The following LRP1B variants were observed in gnomAD, a reference collection of about 807,000 sequenced individuals.
LRP1B encodes the protein low-density lipoprotein receptor-related protein 1B.
Under a neutral mutation model 556.6 loss-of-function variants are expected in LRP1B, and 217 were observed. That is an observed-to-expected ratio of 0.39 (90% CI 0.35 to 0.44). The LOEUF (loss-of-function observed/expected upper bound fraction) is 0.44. Ranked by LOEUF, LRP1B falls within the 20% of genes least tolerant of loss-of-function variation. The pLI is 1.00. For missense variants in LRP1B, 5,053 were observed against 5,620.8 expected, an observed-to-expected ratio of 0.90 and a Z score of 3.23; for synonymous variants, 2,047 against 1,865.8, an observed-to-expected ratio of 1.10 and a Z score of -2.50.
intron 11 of LRP1B, among the ~76,000 whole-genome samples, chr2:141,044,798 AG>A (rs1698817447): frequency 6.7e-6 from 1 of 149,136 alleles, no homozygotes; most frequent in South Asian, 2.1e-4. Flanking sequence ...GTGGAGAAAT[AG>A]GAACACTTTT....
chr2:141,254,788 A>C, intron 3 of LRP1B, 147 bp from the exon 4 acceptor site: 1 of 553,900 alleles, frequency 1.8e-6, no homozygotes. Context: ...TTTACCTAAA[A>C]TATGTTAGTT....
At chr2:141,834,053 T>A (rs1245684356) in intron 1 of LRP1B, among the ~76,000 whole-genome samples, 1 of 151,710 alleles carries the variant, frequency 6.6e-6, no homozygotes, top group Non-Finnish European at 1.5e-5. Context: ...CTCCAGTGAG[T>A]ATTTCAAAAC....
At chr2:140,430,180 T>C (rs952096557) in intron 66 of LRP1B, among the ~76,000 whole-genome samples, 1 of 152,184 alleles carries the variant, frequency 6.6e-6, no homozygotes, top group African/African-American at 2.4e-5. Context: ...TATGCTGTAG[T>C]ATCTTCCACA....
At chr2:141,103,714 T>TG (rs1409089691) in intron 7 of LRP1B, among the ~76,000 whole-genome samples, 8 of 151,396 alleles carry the variant, frequency 5.3e-5, no homozygotes, top group Admixed American at 3.3e-4. Flanking sequence ...TGAAGTTTTT[T>TG]TTTTTTAGAA....
chr2:141,950,404 G>C (rs1441701755), intron 1 of LRP1B, among the ~76,000 whole-genome samples: 7 of 152,118 alleles, frequency 4.6e-5, no homozygotes, highest in African/African-American at 1.7e-4. Context: ...TCTAGTCTAT[G>C]AATTTCAGCA....
chr2:140,331,281 T>G (rs1366638017), intron 79 of LRP1B, among the ~76,000 whole-genome samples: 2 of 152,124 alleles, frequency 1.3e-5, no homozygotes, highest in Non-Finnish European at 2.9e-5. Context: ...GGGACGTGGA[T>G]GCAGCTTGAA....
intron 68 of LRP1B, 113 bp from the exon 69 acceptor site, chr2:140,373,250 T>C: frequency 1.2e-6 from 1 of 857,566 alleles, no homozygotes; most frequent in Non-Finnish European, 1.8e-6. Context: ...CTGGAACAAC[T>C]TGTTTCACAA....
At chr2:142,088,424 T>C (rs1394728436) in intron 1 of LRP1B, among the ~76,000 whole-genome samples, 24 of 152,196 alleles carry the variant, frequency 1.6e-4, no homozygotes, top group Admixed American at 1.5e-3. Context: ...AGAATAATTA[T>C]ATGATTAATA....
chr2:141,303,082 T>C (rs1364004523), intron 3 of LRP1B, among the ~76,000 whole-genome samples: 1 of 152,112 alleles, frequency 6.6e-6, no homozygotes, highest in Non-Finnish European at 1.5e-5. Context: ...AATACCCATA[T>C]GCTAATTGGA....
At chr2:140,637,968 G>T (rs1430451189) in intron 41 of LRP1B, among the ~76,000 whole-genome samples, 1 of 152,134 alleles carries the variant, frequency 6.6e-6, no homozygotes, top group Non-Finnish European at 1.5e-5. Context: ...TTCTACAGAA[G>T]AAGTCATAAA....
intron 62 of LRP1B, 80 bp downstream of exon 62, chr2:140,456,375 G>A (rs1687107311): frequency 7.4e-7 from 1 of 1,349,502 alleles, no homozygotes; most frequent in South Asian, 1.6e-5. Context: ...TGTATGGAAT[G>A]ATCATTCAAT....
chr2:140,422,096 C>A (rs1365871697), intron 66 of LRP1B, among the ~76,000 whole-genome samples: 1 of 152,194 alleles, frequency 6.6e-6, no homozygotes, highest in African/African-American at 2.4e-5. Context: ...TTCTTTTCTT[C>A]ACTCCTCAAA....
chr2:140,247,442 CTTGA>C (rs1483782433), intron 86 of LRP1B, among the ~76,000 whole-genome samples: 2 of 151,482 alleles, frequency 1.3e-5, no homozygotes, highest in East Asian at 1.9e-4. Flanking sequence ...ATATTGAAAT[CTTGA>C]TTAAGAATTG....
At chr2:141,118,214 T>A (rs1258539784) in intron 7 of LRP1B, among the ~76,000 whole-genome samples, 1 of 151,864 alleles carries the variant, frequency 6.6e-6, no homozygotes, top group East Asian at 1.9e-4. Context: ...AACCTAGAAA[T>A]GGCTGCCAAT....
rs148274216 is a variant in LRP1B, at chr2:140,874,190, G to T, written c.4170-5927C>A. 8.9e-3 allele frequency among the ~76,000 whole-genome samples: 1,355 copies of T among 152,192 alleles called. 10 individuals carry two copies. The highest frequency in any genetic ancestry group is 0.021 in the Middle Eastern group (6 of 292). On this transcript the variant is annotated intron_variant, in intron 25 of 90. Transcript: ENST00000389484. ...AACTATAATGGTCTTTCTATAGATTGGGGCTTGATATTAAAAAACACACAA... is the reference window on the plus strand; with the variant it reads ...AACTATAATGGTCTTTCTATAGATTTGGGCTTGATATTAAAAAACACACAA...
In LRP1B at chr2:141,060,110, A is replaced by C. The variant is rs1574032114; in HGVS notation, c.1237-1056T>G. On this transcript the variant is annotated intron_variant, in intron 8 of 90. Coordinates refer to ENST00000389484, the MANE Select transcript of LRP1B (RefSeq NM_018557.3). ...CAAAATTTTCTATTTTAACCAGAAA[A>C]TCTTGCCAGTTCTATAGTTTAAACA... 5.3e-5 allele frequency among the ~76,000 whole-genome samples: 8 copies of C among 151,956 alleles called. 2 individuals are homozygous for C. In the Middle Eastern group the frequency reaches 0.027, roughly 517 times the overall value.
intron 84 of LRP1B, among the ~76,000 whole-genome samples, chr2:140,287,050 C>T (rs931995755): frequency 2.6e-5 from 4 of 151,642 alleles, no homozygotes; most frequent in Non-Finnish European, 4.4e-5. Flanking sequence ...TAGTTTTACA[C>T]GATTAAAAAA....
At chr2:141,579,128 G>A (rs762830902) in intron 2 of LRP1B, among the ~76,000 whole-genome samples, 2 of 152,106 alleles carry the variant, frequency 1.3e-5, no homozygotes, top group Non-Finnish European at 2.9e-5. Context: ...TTCCATGGAT[G>A]CCAATTTATT....
chr2:140,603,777 T>C (rs915951153), intron 41 of LRP1B, among the ~76,000 whole-genome samples: 3 of 152,188 alleles, frequency 2.0e-5, no homozygotes, highest in Admixed American at 2.0e-4. Context: ...GATCTGTTGC[T>C]ACATTTTAAA....
Sources: allele counts gnomAD v4.1 joint callset (sites outside exome capture counted in the v4.1 genomes callset), GRCh38; gene constraint gnomAD v4.1.1; transcripts MANE v1.5; gene names NCBI Gene and HGNC (gene_info 2026-07-23, HGNC 2026-07-21).